Variants in TCF7L1 observed in about 807,000 individuals in gnomAD.
TCF7L1 encodes transcription factor 7-like 1.
A neutral mutation model predicts 63.7 loss-of-function variants in TCF7L1; 18 were observed. That is an observed-to-expected ratio of 0.28 (90% confidence interval 0.20 to 0.42). TCF7L1 has a LOEUF of 0.42. TCF7L1 is among the 10% of genes least tolerant of loss of function. The pLI is 1.00. For synonymous variants in TCF7L1, 355 were observed against 340.9 expected, an observed-to-expected ratio of 1.04 and a Z score of -0.46; for missense variants, 654 against 779.3, an observed-to-expected ratio of 0.84 and a Z score of 1.91.
chr2:85,309,321 G>C lies in TCF7L1; in HGVS notation c.1626G>C (p.Leu542=), dbSNP rs777435789. Residue 542 remains leucine, a synonymous_variant, in exon 12 of 12, where the codon CTG becomes CTC. Coordinates refer to ENST00000282111, the MANE Select transcript of TCF7L1 (RefSeq NM_031283.3). The part of the protein sequence containing the change: ...SGQMGSQPPL[L]SRPLPLGSMP... ...AGATGGGCAGCCAGCCTCCCCTCCT[G>C]TCCCGGCCCCTCCCCCTTGGGTCCA... 10 of 1,612,912 alleles carry C rather than the reference G, an allele frequency of 6.2e-6. No homozygotes were observed. In the African/African-American group the frequency reaches 1.2e-4, roughly 19 times the overall value.
intron 3 of TCF7L1, among the ~76,000 whole-genome samples, chr2:85,247,645 A>G (rs1225196017): frequency 6.6e-6 from 1 of 152,194 alleles, no homozygotes; most frequent in Non-Finnish European, 1.5e-5. Context: ...GGGTTTGAAA[A>G]TCGGCTTTAA....
intron 3 of TCF7L1, among the ~76,000 whole-genome samples, chr2:85,180,074 T>TGCAAGGAC (rs1678767111): frequency 6.6e-6 from 1 of 151,826 alleles, no homozygotes; most frequent in African/African-American, 2.4e-5. Flanking sequence ...TGGGAACAGC[T>TGCAAGGAC]GCAAGGACTG....
chr2:85,294,962 A>C (rs964391182), intron 4 of TCF7L1, among the ~76,000 whole-genome samples: 9 of 152,022 alleles, frequency 5.9e-5, no homozygotes, highest in African/African-American at 1.9e-4. Flanking sequence ...TGAGCCCAGG[A>C]AGTTGAAGCT....
rs144827864 is a variant in TCF7L1, at chr2:85,302,603, C to G, written c.645C>G (p.Ile215Met). Reference protein sequence around the residue: ...GSPPTHLSPEIDPKTGIPRPP... With the variant: ...GSPPTHLSPEMDPKTGIPRPP... The stretch of plus-strand genomic sequence containing the variant: ...CTCCCACCCACCTCTCCCCAGAGAT[C>G]GATCCAAAGACAGGTAAGTCGTCTG... Residue 215 changes from isoleucine to methionine, a missense_variant, in exon 5 of 12, where the codon ATC becomes ATG. Coordinates refer to ENST00000282111, the MANE Select transcript of TCF7L1 (RefSeq NM_031283.3). 3 of 1,151,206 alleles carry G rather than the reference C, an allele frequency of 2.6e-6. No individual in the cohort carries two copies. The highest frequency in any genetic ancestry group is 3.6e-6 in the Non-Finnish European group (3 of 827,708). The allele number at this position is 1,151,206 out of a possible 1,614,324, so 71.3% of individuals were successfully genotyped here. A position where few individuals can be genotyped will look rare whatever the true frequency, so the allele number is the denominator to read the frequency against.
intron 3 of TCF7L1, among the ~76,000 whole-genome samples, chr2:85,249,431 A>T (rs1012290926): frequency 6.6e-6 from 1 of 152,158 alleles, no homozygotes; most frequent in South Asian, 2.1e-4. Context: ...GAATCTGAGG[A>T]TATGTTTGTT....
rs116614495 is a variant in TCF7L1 at position 85,245,244 on chromosome 2, T to C, written c.442-38251T>C. Among the ~76,000 whole-genome samples the C allele has an allele frequency of 6.1e-3, 936 of 152,222 alleles. 4 individuals carry two copies. Among genetic ancestry groups the C allele is most frequent in the Middle Eastern group, 0.014 (4 of 292 alleles). On this transcript the variant is annotated intron_variant, in intron 3 of 11. Transcript: ENST00000282111. ...TATCTGAGAAGATTGGTGTAATCAA[T>C]GGTTTGGTGTCAGGCTCCCATAGAG...
chr2:85,135,558 ATAATTAAAGGG>A (rs1677572968), intron 3 of TCF7L1, among the ~76,000 whole-genome samples: 1 of 152,126 alleles, frequency 6.6e-6, no homozygotes, highest in Non-Finnish European at 1.5e-5. Context: ...AATAACGACG[ATAATTAAAGGG>A]TGCTAGAGAA....
intron 3 of TCF7L1, among the ~76,000 whole-genome samples, chr2:85,162,591 T>A (rs1560586): frequency 0.051 from 7,812 of 152,302 alleles, 217 homozygotes; most frequent in Middle Eastern, 0.092. Flanking sequence ...CCTTCTGATA[T>A]TCTTTAGTCC....
At chr2:85,224,041 G>T (rs1679903808) in intron 3 of TCF7L1, among the ~76,000 whole-genome samples, 1 of 152,118 alleles carries the variant, frequency 6.6e-6, no homozygotes, top group African/African-American at 2.4e-5. Flanking sequence ...TGCAGTGTTT[G>T]GTTTCCTGTC....
At chr2:85,234,131 CTTTTTT>C (rs35508338) in intron 3 of TCF7L1, among the ~76,000 whole-genome samples, 230 of 65,242 alleles carry the variant, frequency 3.5e-3, no homozygotes, top group African/African-American at 0.017. Context: ...TTTTTCTTTT[CTTTTTT>C]TTTTTTTTTT....
At chr2:85,155,309 G>A (rs1485998384) in intron 3 of TCF7L1, among the ~76,000 whole-genome samples, 5 of 152,220 alleles carry the variant, frequency 3.3e-5, no homozygotes, top group Non-Finnish European at 5.9e-5. Context: ...GGACAAATAA[G>A]GGAATAAAAG....
Position 85,133,822 on chromosome 2 carries a change from C to T in TCF7L1, c.138C>T (p.Gly46=). 1 of 1,476,616 alleles carries T rather than the reference C, an allele frequency of 6.8e-7. No homozygotes were observed. The highest frequency in any genetic ancestry group is 1.3e-5 in the South Asian group (1 of 74,626). The allele number at this position is 1,476,616 out of a possible 1,614,324, so 91.5% of individuals were successfully genotyped here. A position where few individuals can be genotyped will look rare whatever the true frequency, so the allele number is the denominator to read the frequency against. The part of the protein sequence containing the change: ...DELIPFQDEG[G]EEQEPSSDSA... ...TGATCCCCTTCCAGGACGAGGGGGGCGAGGAGCAGGAGCCGAGCAGCGATA... is the reference window on the plus strand; with the variant it reads ...TGATCCCCTTCCAGGACGAGGGGGGTGAGGAGCAGGAGCCGAGCAGCGATA... The change falls in exon 1 of 12, where the codon GGC becomes GGT. Residue 46 remains glycine, a synonymous_variant. Coordinates refer to ENST00000282111, the MANE Select transcript of TCF7L1 (RefSeq NM_031283.3). The surrounding 1 kb of genome is among the most constrained non-coding windows in gnomAD (Gnocchi z 4.4).
intron 3 of TCF7L1, among the ~76,000 whole-genome samples, chr2:85,244,362 G>A (rs951684686): frequency 3.9e-5 from 6 of 152,198 alleles, no homozygotes; most frequent in South Asian, 2.1e-4. Context: ...ATCATAGACC[G>A]AAGGGGTCAA....
chr2:85,213,922 G>C (rs1679629496), intron 3 of TCF7L1, among the ~76,000 whole-genome samples: 2 of 152,188 alleles, frequency 1.3e-5, no homozygotes, highest in Non-Finnish European at 2.9e-5. Flanking sequence ...TGAATTAAAG[G>C]CTGGATCCAG....
intron 3 of TCF7L1, among the ~76,000 whole-genome samples, chr2:85,282,516 G>A (rs1366224179): frequency 6.6e-6 from 1 of 152,188 alleles, no homozygotes; most frequent in Non-Finnish European, 1.5e-5. Context: ...CCATGTGCGA[G>A]GCACTGTGTT....
chr2:85,199,313 TA>T (rs1308849835), intron 3 of TCF7L1, among the ~76,000 whole-genome samples: 2 of 152,004 alleles, frequency 1.3e-5, no homozygotes, highest in East Asian at 3.8e-4. Context: ...CTGCTGATCT[TA>T]AAAAAAATGT....
chr2:85,197,410 A>G (rs913217679), intron 3 of TCF7L1, among the ~76,000 whole-genome samples: 2 of 152,132 alleles, frequency 1.3e-5, no homozygotes, highest in African/African-American at 2.4e-5. Flanking sequence ...CAAAAAATAT[A>G]TATATATTTC....
At chr2:85,224,622 G>A (rs1308336218) in intron 3 of TCF7L1, among the ~76,000 whole-genome samples, 3 of 152,124 alleles carry the variant, frequency 2.0e-5, no homozygotes, top group Admixed American at 6.5e-5. Context: ...CCCACTTTTT[G>A]ATGGGGTCAT....
At chr2:85,157,068 T>C (rs1678167083) in intron 3 of TCF7L1, among the ~76,000 whole-genome samples, 1 of 152,200 alleles carries the variant, frequency 6.6e-6, no homozygotes, top group Non-Finnish European at 1.5e-5. Context: ...GGTGTACATA[T>C]ACACATATTA....
Sources: gnomAD v4.1 joint callset for allele counts (sites outside exome capture counted in the v4.1 genomes callset) on GRCh38, gnomAD v4.1.1 for gene constraint, Gnocchi (gnomAD v3.1) non-coding constraint, MANE v1.5 for transcripts, NCBI Gene and HGNC (gene_info 2026-07-23, HGNC 2026-07-21) for gene names.